The following MGMT variants were observed in gnomAD, a reference collection of about 807,000 sequenced individuals.
MGMT encodes O-6-methylguanine-DNA methyltransferase.
Under a neutral mutation model 15.9 loss-of-function variants are expected in MGMT, and 14 were observed. The observed-to-expected ratio is 0.88, with a 90% CI of 0.58 to 1.37. The LOEUF is 1.37. MGMT is among the 40% of genes most tolerant of loss of function. MGMT has a pLI of 0.00. For missense variants in MGMT, 282 were observed against 268.1 expected (o/e 1.05, Z -0.36); for synonymous variants, 130 against 118.2 (o/e 1.10, Z -0.65).
chr10:129,477,309 T>C (rs1046179903), intron 1 of MGMT, among the ~76,000 whole-genome samples: 1 of 152,094 alleles, frequency 6.6e-6, no homozygotes, highest in Admixed American at 6.5e-5. Flanking sequence ...TTCCATCTCT[T>C]GATGGTGGGA....
chr10:129,572,442 A>G (rs760141728), intron 2 of MGMT, among the ~76,000 whole-genome samples: 16 of 152,222 alleles, frequency 1.1e-4, no homozygotes, highest in Non-Finnish European at 2.4e-4. Context: ...ATTTGCCTTA[A>G]CAGCCAGGGT....
At chr10:129,476,992 C>G (rs540053228) in intron 1 of MGMT, among the ~76,000 whole-genome samples, 2 of 152,270 alleles carry the variant, frequency 1.3e-5, no homozygotes, top group South Asian at 4.1e-4. Flanking sequence ...GGACCCCTCT[C>G]TCAGGCCAGG....
At chr10:129,697,508 T>C (rs1461500424) in intron 2 of MGMT, among the ~76,000 whole-genome samples, 2 of 152,050 alleles carry the variant, frequency 1.3e-5, no homozygotes, top group African/African-American at 2.4e-5. Flanking sequence ...GTTTTAGAAA[T>C]AGAGATAATG....
At chr10:129,677,481 C>T (rs1847798747) in intron 2 of MGMT, among the ~76,000 whole-genome samples, 2 of 152,212 alleles carry the variant, frequency 1.3e-5, no homozygotes, top group African/African-American at 4.8e-5. Context: ...CCTCATCTCT[C>T]TGTTTCTCTA....
chr10:129,497,160 AT>A (rs1845529955), intron 1 of MGMT, among the ~76,000 whole-genome samples: 1 of 152,210 alleles, frequency 6.6e-6, no homozygotes, highest in Non-Finnish European at 1.5e-5. Flanking sequence ...TTTATGATCT[AT>A]TTAACCTTTA....
chr10:129,622,551 G>A (rs550261757), intron 2 of MGMT, among the ~76,000 whole-genome samples: 65 of 152,192 alleles, frequency 4.3e-4, no homozygotes, highest in Admixed American at 9.8e-4. Context: ...GCTTTTAAGT[G>A]TACACAGAGG....
intron 3 of MGMT, among the ~76,000 whole-genome samples, chr10:129,733,019 C>T (rs1329580829): frequency 3.3e-5 from 5 of 151,700 alleles, no homozygotes; most frequent in Admixed American, 2.6e-4. Flanking sequence ...AATAAACATA[C>T]GTGTGCACGT....
chr10:129,490,298 C>T (rs7087375), intron 1 of MGMT, among the ~76,000 whole-genome samples: 8,960 of 152,088 alleles, frequency 0.059, 879 homozygotes, highest in African/African-American at 0.2. Flanking sequence ...ATGTGGTTCC[C>T]ATCCCCATAT....
rs758707637 is a variant in MGMT, at chr10:129,659,359, GA to G, written c.126-48522del. Reference sequence around the variant, plus strand: ...GTGGCAGAGCGAGACTCCCTGTGTGGAAAAAAAAAAAAAAGATACTCAGATG... The same window carrying G: ...GTGGCAGAGCGAGACTCCCTGTGTGGAAAAAAAAAAAAAGATACTCAGATG... On this transcript the variant is annotated intron_variant, in intron 2 of 4. Transcript: ENST00000651593. The surrounding 1 kb of genome is among the most constrained non-coding windows in gnomAD (Gnocchi z 4.1). Among the ~76,000 whole-genome samples the G allele has an allele frequency of 6.2e-3, 873 of 141,140 alleles. 9 individuals carry two copies. The highest frequency in any genetic ancestry group is 0.016 in the African/African-American group (620 of 38,492). The allele number at this position is 141,140 out of a possible 152,430, so 92.6% of individuals were successfully genotyped here. A position where few individuals can be genotyped will look rare whatever the true frequency, so the allele number is the denominator to read the frequency against.
At chr10:129,531,793 G>GGTGGGGGTTT (rs1845935629) in intron 1 of MGMT, among the ~76,000 whole-genome samples, 1 of 143,016 alleles carries the variant, frequency 7.0e-6, no homozygotes. Flanking sequence ...GGTGGGGGGG[G>GGTGGGGGTTT]GTGGGGGTTT....
At chr10:129,664,836 CATATGAAA>C (rs1268218082) in intron 2 of MGMT, among the ~76,000 whole-genome samples, 1 of 152,118 alleles carries the variant, frequency 6.6e-6, no homozygotes, top group Non-Finnish European at 1.5e-5. Context: ...GGAAGATAAG[CATATGAAA>C]ATATGCTCAA....
chr10:129,610,785 C>A (rs898685315), intron 2 of MGMT, among the ~76,000 whole-genome samples: 1 of 152,218 alleles, frequency 6.6e-6, no homozygotes, highest in Non-Finnish European at 1.5e-5. Context: ...TTGCAAAGCC[C>A]TCATCTAGGA....
Position 129,566,549 on chromosome 10 carries a change from C to T in MGMT, c.125+30172C>T, listed in dbSNP as rs536392113. Among the ~76,000 whole-genome samples the T allele has an allele frequency of 9.8e-5, 15 of 152,302 alleles. No individual in the cohort carries two copies. The highest frequency in any genetic ancestry group is 2.4e-4 in the African/African-American group (10 of 41,566). On this transcript the variant is annotated intron_variant, in intron 2 of 4. Transcript: ENST00000651593. The surrounding 1 kb of genome is among the most constrained non-coding windows in gnomAD (Gnocchi z 4.1). Reference sequence around the variant, plus strand: ...TCCCATTCCGTGTCTCTCTGGAGGGCCCATCATCATCCTGGTGGAGGTGTT... The same window carrying T: ...TCCCATTCCGTGTCTCTCTGGAGGGTCCATCATCATCCTGGTGGAGGTGTT...
chr10:129,738,949 A>G (rs1257071753), intron 3 of MGMT, among the ~76,000 whole-genome samples: 1 of 152,220 alleles, frequency 6.6e-6, no homozygotes, highest in Non-Finnish European at 1.5e-5. Flanking sequence ...CAAAAAGTTT[A>G]TCCACCACCA....
intron 2 of MGMT, among the ~76,000 whole-genome samples, chr10:129,658,806 C>T (rs1847561329): frequency 6.6e-6 from 1 of 152,216 alleles, no homozygotes; most frequent in Non-Finnish European, 1.5e-5. Context: ...TAGATGGCCC[C>T]TTCCTCAGTG....
In MGMT at chr10:129,768,924, T is replaced by C. The variant is rs3750825; in HGVS notation, c.*1927T>C. ...TCCGCTGTTTGGGTCCCATGAACGA[T>C]GGAAGCCTCCCAGTGAGATCTTCAG... On this transcript the variant is annotated 3_prime_UTR_variant, in exon 5 of 5. Coordinates refer to ENST00000651593, the MANE Select transcript of MGMT (RefSeq NM_002412.5). 99,353 of 152,200 alleles carry C rather than the reference T, an allele frequency of 0.65. 33,443 individuals are homozygous for C. Among genetic ancestry groups the C allele is most frequent in the African/African-American group, 0.82 (33,998 of 41,534 alleles). 9.4% of individuals were successfully genotyped at this position (152,200 alleles called of 1,614,324 possible).
intron 3 of MGMT, among the ~76,000 whole-genome samples, chr10:129,733,794 C>G (rs1258230874): frequency 6.6e-6 from 1 of 152,166 alleles, no homozygotes; most frequent in Non-Finnish European, 1.5e-5. Flanking sequence ...CCAGTTTTCC[C>G]AGCACCATTT....
intron 2 of MGMT, among the ~76,000 whole-genome samples, chr10:129,706,962 T>C (rs1338391084): frequency 3.3e-5 from 5 of 150,406 alleles, no homozygotes; most frequent in Non-Finnish European, 7.4e-5. Flanking sequence ...GGGAGGAGAG[T>C]GTCCAGAAAG....
chr10:129,571,943 T>G (rs1317423967), intron 2 of MGMT, among the ~76,000 whole-genome samples: 2 of 152,218 alleles, frequency 1.3e-5, no homozygotes, highest in African/African-American at 4.8e-5. Context: ...GATTTTTCCA[T>G]TTGACAATTC....
Sources: allele counts gnomAD v4.1 joint callset (sites outside exome capture counted in the v4.1 genomes callset), GRCh38; gene constraint gnomAD v4.1.1; non-coding constraint Gnocchi (gnomAD v3.1); transcripts MANE v1.5; gene names NCBI Gene and HGNC (gene_info 2026-07-23, HGNC 2026-07-21).